The following KDM4C variants were observed in gnomAD, a reference collection of about 807,000 sequenced individuals.
KDM4C encodes the protein lysine-specific demethylase 4C.
In KDM4C, 81 loss-of-function variants were observed where a neutral mutation model predicts 129.3. That is an observed-to-expected ratio of 0.63 (90% CI 0.52 to 0.75). KDM4C has a LOEUF of 0.75. KDM4C is among the 30% of genes least tolerant of loss of function. KDM4C has a pLI of 0.00. For synonymous variants in KDM4C, 573 were observed against 456.1 expected (o/e 1.26, Z -3.26); for missense variants, 1,457 against 1,304.0 (o/e 1.12, Z -1.81).
intron 18 of KDM4C, among the ~76,000 whole-genome samples, chr9:7,104,791 G>A (rs1328759070): frequency 6.6e-6 from 1 of 152,192 alleles, no homozygotes; most frequent in South Asian, 2.1e-4. Context: ...CTTCTCCTAT[G>A]TCCCTAATAA....
intron 1 of KDM4C, among the ~76,000 whole-genome samples, chr9:6,783,003 A>G (rs1824697049): frequency 6.6e-6 from 1 of 152,136 alleles, no homozygotes; most frequent in South Asian, 2.1e-4. Context: ...GGAGAGTAAG[A>G]GAGGGTAGGC....
intron 8 of KDM4C, chr9:6,978,976 A>G (rs1430479502): frequency 1.3e-5 from 2 of 152,210 alleles, no homozygotes; most frequent in East Asian, 3.8e-4. Context: ...TTCCTCAGAA[A>G]TAGTGTTCTG....
At chr9:6,773,103 G>C (rs1822236152) in intron 1 of KDM4C, among the ~76,000 whole-genome samples, 1 of 148,826 alleles carries the variant, frequency 6.7e-6, no homozygotes, top group South Asian at 2.2e-4. Flanking sequence ...AGACTCAAGT[G>C]ATCCTCCTGC....
chr9:6,956,229 T>G (rs1829044270), intron 8 of KDM4C, among the ~76,000 whole-genome samples: 1 of 152,216 alleles, frequency 6.6e-6, no homozygotes, highest in Non-Finnish European at 1.5e-5. Flanking sequence ...ATTGTACATT[T>G]AAAAATCTAC....
chr9:6,809,818 C>T (rs140511462), intron 3 of KDM4C, among the ~76,000 whole-genome samples: 20 of 152,098 alleles, frequency 1.3e-4, no homozygotes, highest in African/African-American at 4.6e-4. Context: ...GATAACATGG[C>T]AAAATCCAGT....
At chr9:7,076,566 C>T in intron 17 of KDM4C, 5 of 1,516,970 alleles carry the variant, frequency 3.3e-6, no homozygotes, top group Non-Finnish European at 3.5e-6. Context: ...TTCTCATTCT[C>T]CATGGGAGCA....
At position 6,732,445 on chromosome 9, in the gene KDM4C, C is replaced by T. The variant is rs150613790; in HGVS notation, c.49+11448C>T. ...TGGCTCACACACCTGTATATAATCC[C>T]AGCACTTTGGGAGGCCGAGGTGGGT... On this transcript the variant is annotated intron_variant, in intron 1 of 17. Coordinates refer to the KDM4C transcript ENST00000536108. Among the ~76,000 whole-genome samples the T allele has an allele frequency of 1.7e-3, 243 of 147,194 alleles. 1 individual carries two copies. The highest frequency in any genetic ancestry group is 5.7e-3 in the African/African-American group (227 of 39,946).
At chr9:7,139,751 T>C (rs1351149800) in intron 19 of KDM4C, among the ~76,000 whole-genome samples, 3 of 152,224 alleles carry the variant, frequency 2.0e-5, no homozygotes, top group African/African-American at 7.2e-5. Flanking sequence ...TTTTTCTATA[T>C]TATTTATGCT....
intron 18 of KDM4C, among the ~76,000 whole-genome samples, chr9:7,112,647 A>G (rs1838456632): frequency 6.6e-6 from 1 of 152,216 alleles, no homozygotes; most frequent in Admixed American, 6.5e-5. Context: ...TGGCCCCCAC[A>G]GGGCTGATAC....
chr9:7,150,377 G>A (rs1223052127), intron 19 of KDM4C, among the ~76,000 whole-genome samples: 1 of 152,214 alleles, frequency 6.6e-6, no homozygotes, highest in Non-Finnish European at 1.5e-5. Flanking sequence ...CACAGTTGAT[G>A]TCCTGGGAGG....
intron 12 of KDM4C, among the ~76,000 whole-genome samples, chr9:7,001,657 A>G (rs1255431418): frequency 1.3e-5 from 2 of 152,020 alleles, no homozygotes; most frequent in Non-Finnish European, 2.9e-5. Context: ...CTGCCACGTG[A>G]TAACTCCTAT....
chr9:7,064,430 A>C (rs1281637564), intron 17 of KDM4C, among the ~76,000 whole-genome samples: 2 of 152,220 alleles, frequency 1.3e-5, no homozygotes, highest in African/African-American at 4.8e-5. Flanking sequence ...GTTGGCAGCA[A>C]GGTCAGTTTC....
At chr9:6,889,226 T>C (rs1237575830) in intron 7 of KDM4C, among the ~76,000 whole-genome samples, 3 of 112,774 alleles carry the variant, frequency 2.7e-5, no homozygotes, top group Admixed American at 9.3e-5. Flanking sequence ...TGTGTGTGTG[T>C]GTGTGTGTGT....
At chr9:6,738,435 A>C (rs961744126) in intron 1 of KDM4C, among the ~76,000 whole-genome samples, 1 of 152,142 alleles carries the variant, frequency 6.6e-6, no homozygotes, top group Non-Finnish European at 1.5e-5. Flanking sequence ...AAACCATGCC[A>C]CTGTACTCCA....
rs572673032 is a variant in KDM4C, at chr9:6,789,046, GT to G, written c.-17-3911del. 3.7e-3 allele frequency among the ~76,000 whole-genome samples: 504 copies of G among 134,982 alleles called. 1 individual carries two copies. Among genetic ancestry groups the G allele is most frequent in the African/African-American group, 5.8e-3 (215 of 37,156 alleles). The allele number at this position is 134,982 out of a possible 152,430, so 88.6% of individuals were successfully genotyped here. A position where few individuals can be genotyped will look rare whatever the true frequency, so the allele number is the denominator to read the frequency against. On this transcript the variant is annotated intron_variant, in intron 1 of 21. Transcript: ENST00000381309. The stretch of plus-strand genomic sequence containing the variant: ...AGGTGAGGGCCAGATCCAGATTTTT[GT>G]TTTTTTTTTTTTTTGAAACAGGGTC...
chr9:6,816,181 C>T (rs1832055873), intron 4 of KDM4C, among the ~76,000 whole-genome samples: 2 of 152,186 alleles, frequency 1.3e-5, no homozygotes, highest in African/African-American at 4.8e-5. Flanking sequence ...GTGGATTTGG[C>T]ATCTATGGCA....
intron 1 of KDM4C, among the ~76,000 whole-genome samples, chr9:6,752,081 C>A (rs914378878): frequency 6.6e-6 from 1 of 151,740 alleles, no homozygotes; most frequent in Non-Finnish European, 1.5e-5. Context: ...CGCCTGTAAT[C>A]CCAGCACTTT....
chr9:6,835,061 C>A lies in KDM4C; in HGVS notation c.436-14446C>A. ...CGTGGCTACAGCTTCACCACCACGG[C>A]TGAGTGGGATATCGTGCGTGACATC... is the stretch of plus-strand genomic sequence containing the variant. On this transcript the variant is annotated intron_variant, in intron 4 of 21. Transcript: ENST00000381309. The A allele has an allele frequency of 2.1e-6, 2 of 958,508 alleles. 1 individual carries two copies. Among genetic ancestry groups the A allele is most frequent in the South Asian group, 2.6e-5 (2 of 78,082 alleles). The allele number at this position is 958,508 out of a possible 1,614,324, so 59.4% of individuals were successfully genotyped here. A position where few individuals can be genotyped will look rare whatever the true frequency, so the allele number is the denominator to read the frequency against.
chr9:7,057,896 A>G (rs865800524), intron 17 of KDM4C, among the ~76,000 whole-genome samples: 1 of 152,214 alleles, frequency 6.6e-6, no homozygotes, highest in Non-Finnish European at 1.5e-5. Context: ...CTCTTGCTTC[A>G]TTTTGAGCAC....
Sources: allele counts gnomAD v4.1 joint callset (sites outside exome capture counted in the v4.1 genomes callset), GRCh38; gene constraint gnomAD v4.1.1; transcripts MANE v1.5; gene names NCBI Gene and HGNC (gene_info 2026-07-23, HGNC 2026-07-21).